The following CADM2 variants were observed in gnomAD, a reference collection of about 807,000 sequenced individuals.
CADM2 encodes the protein cell adhesion molecule 2.
CADM2 carries 12 observed loss-of-function variants against 49.8 expected under a neutral mutation model. That is an observed-to-expected ratio of 0.24 (90% CI 0.15 to 0.39). The LOEUF is 0.39. Among genes scored for constraint, CADM2 ranks in the 10% least tolerant of loss-of-function variants. CADM2 has a pLI of 1.00. For missense variants in CADM2, 378 were observed against 492.3 expected, an observed-to-expected ratio of 0.77 and a Z score of 2.20; for synonymous variants, 214 against 175.4, an observed-to-expected ratio of 1.22 and a Z score of -1.74.
intron 2 of CADM2, among the ~76,000 whole-genome samples, chr3:85,737,638 A>G (rs1577197407): frequency 6.7e-6 from 1 of 149,482 alleles, no homozygotes; most frequent in Admixed American, 6.7e-5. Context: ...GCTCACTGCA[A>G]CCTCCCTCTC....
intron 2 of CADM2, among the ~76,000 whole-genome samples, chr3:85,729,503 AG>A (rs2067845615): frequency 1.4e-5 from 2 of 140,828 alleles, no homozygotes; most frequent in African/African-American, 5.3e-5. Flanking sequence ...AGAGAGAGAG[AG>A]GGAAAAGTCA....
chr3:85,515,878 T>C (rs1053620851), intron 1 of CADM2, among the ~76,000 whole-genome samples: 1 of 152,204 alleles, frequency 6.6e-6, no homozygotes, highest in African/African-American at 2.4e-5. Context: ...GCAATGACAA[T>C]GCATATTTCC....
intron 8 of CADM2, among the ~76,000 whole-genome samples, chr3:85,986,964 A>T (rs1728194692): frequency 6.6e-6 from 1 of 152,092 alleles, no homozygotes; most frequent in Admixed American, 6.6e-5. Context: ...GTTAGCATCG[A>T]GTGCTAAAGT....
At chr3:85,821,357 T>C (rs908949098) in intron 3 of CADM2, among the ~76,000 whole-genome samples, 1 of 152,156 alleles carries the variant, frequency 6.6e-6, no homozygotes, top group Non-Finnish European at 1.5e-5. Flanking sequence ...ATCCTTCATC[T>C]GTCCTGGGTA....
intron 1 of CADM2, among the ~76,000 whole-genome samples, chr3:85,015,343 A>G (rs544839306): frequency 1.3e-5 from 2 of 152,268 alleles, no homozygotes; most frequent in African/African-American, 4.8e-5. Context: ...TTTTTTCAGT[A>G]GTTAAGAACT....
chr3:85,161,222 A>C (rs1464305139), intron 1 of CADM2, among the ~76,000 whole-genome samples: 1 of 152,206 alleles, frequency 6.6e-6, no homozygotes, highest in African/African-American at 2.4e-5. Context: ...CCTTTGCTTT[A>C]GAGCTGTGGA....
intron 1 of CADM2, among the ~76,000 whole-genome samples, chr3:85,619,331 A>G (rs1174970477): frequency 6.6e-6 from 1 of 152,030 alleles, no homozygotes; most frequent in Non-Finnish European, 1.5e-5. Context: ...AAAAGATGCA[A>G]TGGAACTTTA....
intron 1 of CADM2, among the ~76,000 whole-genome samples, chr3:85,525,188 A>T (rs1222875980): frequency 6.6e-6 from 1 of 152,252 alleles, no homozygotes; most frequent in Non-Finnish European, 1.5e-5. Flanking sequence ...AAAGTTTTAC[A>T]TATTAAAATA....
chr3:85,162,072 T>C (rs1483727154), intron 1 of CADM2, among the ~76,000 whole-genome samples: 4 of 151,808 alleles, frequency 2.6e-5, no homozygotes, highest in Admixed American at 2.6e-4. Flanking sequence ...TAACCGTCAG[T>C]GATTGGTTGC....
chr3:85,244,727 G>A (rs980103273), intron 1 of CADM2, among the ~76,000 whole-genome samples: 2 of 152,068 alleles, frequency 1.3e-5, no homozygotes, highest in Non-Finnish European at 2.9e-5. Context: ...GGTTTCTGAG[G>A]TCATTGATTC....
intron 1 of CADM2, among the ~76,000 whole-genome samples, chr3:85,340,077 G>C (rs929393699): frequency 1.3e-5 from 2 of 151,240 alleles, no homozygotes; most frequent in African/African-American, 4.8e-5. Flanking sequence ...TATATGAAAA[G>C]CATGTGAATA....
chr3:84,981,494 GA>G (rs1212815215), intron 1 of CADM2, among the ~76,000 whole-genome samples: 1 of 151,902 alleles, frequency 6.6e-6, no homozygotes, highest in East Asian at 1.9e-4. Flanking sequence ...ATAAAATCCT[GA>G]ACAGCAATTC....
At chr3:85,028,104 G>A (rs189102995) in intron 1 of CADM2, among the ~76,000 whole-genome samples, 1 of 152,046 alleles carries the variant, frequency 6.6e-6, no homozygotes, top group Admixed American at 6.6e-5. Context: ...TTCCTTATGT[G>A]GGTTTCCCAT....
chr3:85,527,152 A>C (rs1047594380), intron 1 of CADM2, among the ~76,000 whole-genome samples: 2 of 152,032 alleles, frequency 1.3e-5, no homozygotes, highest in Non-Finnish European at 2.9e-5. Flanking sequence ...GTGGGATGCC[A>C]GGAAAGTAGG....
At chr3:85,433,991 A>G (rs2036810006) in intron 1 of CADM2, among the ~76,000 whole-genome samples, 2 of 152,190 alleles carry the variant, frequency 1.3e-5, no homozygotes, top group Admixed American at 6.6e-5. Flanking sequence ...GCCTACCATA[A>G]TTCCTGACAC....
chr3:85,141,712 C>T (rs7644008), intron 1 of CADM2, among the ~76,000 whole-genome samples: 11,260 of 151,998 alleles, frequency 0.074, 1,407 homozygotes, highest in African/African-American at 0.26. Flanking sequence ...GTATAAATTC[C>T]ATCAGATAAA....
intron 9 of CADM2, 93 bp downstream of exon 9, chr3:86,065,823 T>A: frequency 8.0e-7 from 1 of 1,256,576 alleles, no homozygotes; most frequent in Non-Finnish European, 1.1e-6. Context: ...TATGTTTCTG[T>A]ACATGTGTAG....
intron 1 of CADM2, among the ~76,000 whole-genome samples, chr3:85,106,190 A>G (rs2038217413): frequency 6.6e-6 from 1 of 152,288 alleles, no homozygotes; most frequent in Admixed American, 6.5e-5. Flanking sequence ...AGCCAAGGGA[A>G]TGGAGAGCAG....
At chr3:85,402,054 C>G (rs898832637) in intron 1 of CADM2, among the ~76,000 whole-genome samples, 1 of 151,956 alleles carries the variant, frequency 6.6e-6, no homozygotes, top group Non-Finnish European at 1.5e-5. Flanking sequence ...CATAGAAATA[C>G]GTTATTTCTA....
Sources: gnomAD v4.1 joint callset for allele counts (sites outside exome capture counted in the v4.1 genomes callset) on GRCh38, gnomAD v4.1.1 for gene constraint, MANE v1.5 for transcripts, NCBI Gene and HGNC (gene_info 2026-07-23, HGNC 2026-07-21) for gene names.